The following DGKG variants were observed in gnomAD, a reference collection of about 807,000 sequenced individuals.
The protein encoded by DGKG is diacylglycerol kinase gamma.
DGKG carries 78 observed loss-of-function variants against 105.3 expected under a neutral mutation model. The ratio of observed to expected loss-of-function variants is 0.74; its 90% CI spans 0.62 to 0.89. The LOEUF (loss-of-function observed/expected upper bound fraction) is 0.89, where lower values mean the gene tolerates loss of function less well. Ranked by LOEUF, DGKG falls within the 40% of genes least tolerant of loss-of-function variation. The pLI, the probability that DGKG is intolerant of heterozygous loss-of-function variation, is 0.00. For missense variants in DGKG, 958 were observed against 1,020.1 expected (o/e 0.94, Z 0.83); for synonymous variants, 346 against 367.1 (o/e 0.94, Z 0.66).
intron 20 of DGKG, among the ~76,000 whole-genome samples, chr3:186,241,251 T>A (rs1352685713): frequency 1.3e-5 from 2 of 152,142 alleles, no homozygotes; most frequent in Non-Finnish European, 2.9e-5. Context: ...AATGAATGTC[T>A]TCAATGAACA....
In DGKG at chr3:186,149,358, T is replaced by C; in HGVS notation, c.*732A>G. The C allele has an allele frequency of 1.0e-6, 1 of 985,280 alleles. No homozygotes were observed. The highest frequency in any genetic ancestry group is 1.2e-6 in the Non-Finnish European group (1 of 829,912). 61.0% of individuals were successfully genotyped at this position (985,280 alleles called of 1,614,324 possible). On this transcript the variant is annotated 3_prime_UTR_variant, in exon 25 of 25. Coordinates refer to ENST00000265022, the MANE Select transcript of DGKG (RefSeq NM_001346.3). Reference sequence around the variant, plus strand: ...AAGAAAATAAATACCACATCTAAGGTGTGCTATGCAGGCAGCTCTGGGGGC... The same window carrying C: ...AAGAAAATAAATACCACATCTAAGGCGTGCTATGCAGGCAGCTCTGGGGGC...
At chr3:186,267,460 A>G (rs999173642) in intron 13 of DGKG, 2 of 501,522 alleles carry the variant, frequency 4.0e-6, no homozygotes, top group African/African-American at 3.9e-5. Flanking sequence ...CCCAGGTGAT[A>G]AGATAATCTG....
chr3:186,227,286 C>T (rs1719902623), intron 20 of DGKG, among the ~76,000 whole-genome samples: 1 of 152,208 alleles, frequency 6.6e-6, no homozygotes, highest in African/African-American at 2.4e-5. Context: ...ACCTGATAAA[C>T]TTCAAATCCA....
intron 19 of DGKG, among the ~76,000 whole-genome samples, chr3:186,245,110 A>G (rs1308513856): frequency 6.6e-6 from 1 of 151,394 alleles, no homozygotes; most frequent in Non-Finnish European, 1.5e-5. Context: ...CTGCTGATTG[A>G]CTCCCAGCTT....
Position 186,291,744 on chromosome 3 carries a change from G to A in DGKG, c.374-2864C>T, listed in dbSNP as rs547827431. Among the ~76,000 whole-genome samples the A allele has an allele frequency of 3.8e-4, 58 of 152,210 alleles. No homozygotes were observed. The South Asian group carries it at 0.01, about 27-fold the overall frequency. On this transcript the variant is annotated intron_variant, in intron 5 of 24. Transcript: ENST00000265022. ...AGTTGTATGGGGATGAAGGGTGGGC[G>A]GGTAAGGAGGGTGGAGAAAAGGGAT... is the stretch of plus-strand genomic sequence containing the variant.
At chr3:186,270,502 T>C (rs1019189164) in intron 11 of DGKG, among the ~76,000 whole-genome samples, 4 of 152,236 alleles carry the variant, frequency 2.6e-5, no homozygotes, top group African/African-American at 9.6e-5. Context: ...TTTGGCAAAA[T>C]TATTGCTTTG....
At chr3:186,259,702 C>T (rs1006100015) in intron 16 of DGKG, among the ~76,000 whole-genome samples, 6 of 151,880 alleles carry the variant, frequency 4.0e-5, no homozygotes, top group African/African-American at 9.7e-5. Flanking sequence ...GGCCCGGGGC[C>T]GGCCAGTAGA....
rs373781204 is a variant in DGKG, at chr3:186,288,736, G to T, written c.518C>A (p.Thr173Lys). ...CTCCAGCTTATCCTGAGGCCTCCCC[G>T]TCTCCAGCAGGGACAGGTAGCACAC... ...DVVCYLSLLE[T>K]GRPQDKLEFM... The change falls in exon 6 of 25, where the codon ACG becomes AAG. Residue 173 changes from threonine (T) to lysine (K), a missense_variant. By Grantham distance (78) the Thr-to-Lys change is moderately conservative. Coordinates refer to ENST00000265022, the MANE Select transcript of DGKG (RefSeq NM_001346.3). 1.2e-6 allele frequency: 2 copies of T among 1,614,128 alleles called. No individual in the cohort carries two copies. The highest frequency in any genetic ancestry group is 2.2e-5 in the South Asian group (2 of 91,076).
chr3:186,302,538 GTATA>G (rs769000961), intron 3 of DGKG, among the ~76,000 whole-genome samples: 428 of 35,128 alleles, frequency 0.012, 7 homozygotes, highest in Middle Eastern at 0.095. Flanking sequence ...ATATACATAT[GTATA>G]TATATATATA....
At chr3:186,158,823 C>G (rs1716154017) in intron 24 of DGKG, 1 of 897,546 alleles carries the variant, frequency 1.1e-6, no homozygotes, top group Non-Finnish European at 1.3e-6. Flanking sequence ...ATTTTATGAC[C>G]ACTATATCTC....
At chr3:186,305,980 T>C (rs1008254674) in intron 3 of DGKG, among the ~76,000 whole-genome samples, 4 of 152,096 alleles carry the variant, frequency 2.6e-5, no homozygotes, top group South Asian at 2.1e-4. Flanking sequence ...AAATGTCAAG[T>C]AGAAGGATAA....
intron 21 of DGKG, among the ~76,000 whole-genome samples, chr3:186,198,006 A>C (rs989792556): frequency 6.6e-6 from 1 of 152,148 alleles, no homozygotes; most frequent in Non-Finnish European, 1.5e-5. Flanking sequence ...CCCCTAGGAG[A>C]CTTTAAACTC....
Position 186,175,452 on chromosome 3 carries a change from G to C in DGKG, c.2096-10434C>G, listed in dbSNP as rs571800317. ...TCTCCAGGGCTCCGATGAAGGCGCT[G>C]TATGTTGTGGGAGGTGGACTTTGAA... On this transcript the variant is annotated intron_variant, in intron 22 of 24. Coordinates refer to ENST00000265022, the MANE Select transcript of DGKG (RefSeq NM_001346.3). 1.1e-3 allele frequency among the ~76,000 whole-genome samples: 164 copies of C among 152,320 alleles called. 1 individual carries two copies. Among genetic ancestry groups the C allele is most frequent in the African/African-American group, 3.7e-3 (155 of 41,558 alleles).
Position 186,333,206 on chromosome 3 carries a change from C to T in DGKG, c.-248-12499G>A, listed in dbSNP as rs111359740. Among the ~76,000 whole-genome samples, 82 of 152,286 alleles carry T rather than the reference C, an allele frequency of 5.4e-4. 1 individual carries two copies. Among genetic ancestry groups the T allele is most frequent in the African/African-American group, 1.9e-3 (78 of 41,550 alleles). On this transcript the variant is annotated intron_variant, in intron 1 of 24. Coordinates refer to ENST00000265022, the MANE Select transcript of DGKG (RefSeq NM_001346.3). ...GGTCCTCATCCCAGCAGCATCAGCACCACCGGGGGAACGTGTTAGGAAGGC... is the reference window on the plus strand; with the variant it reads ...GGTCCTCATCCCAGCAGCATCAGCATCACCGGGGGAACGTGTTAGGAAGGC...
chr3:186,224,694 A>T (rs1450077169), intron 20 of DGKG, among the ~76,000 whole-genome samples: 1 of 151,894 alleles, frequency 6.6e-6, no homozygotes, highest in African/African-American at 2.4e-5. Context: ...ATTATGTTTG[A>T]CTCAATTTTC....
chr3:186,156,806 A>G (rs4686737), intron 24 of DGKG, among the ~76,000 whole-genome samples: 58,715 of 151,768 alleles, frequency 0.39, 13,519 homozygotes, highest in East Asian at 0.75. Flanking sequence ...TTGCTGGTAT[A>G]CTATTAATAT....
At chr3:186,272,177 C>G (rs1036147900) in intron 11 of DGKG, 78 bp downstream of exon 11, 12 of 1,171,418 alleles carry the variant, frequency 1.0e-5, no homozygotes, top group Non-Finnish European at 1.5e-5. Context: ...AGTGCCCCTT[C>G]CTGCCCAGGA....
rs750733731 is a variant in DGKG, at chr3:186,226,743, A to G, written c.1827-14858T>C. 6.6e-6 allele frequency among the ~76,000 whole-genome samples: 1 copy of G among 152,224 alleles called. No homozygotes were observed. The highest frequency in any genetic ancestry group is 1.5e-5 in the Non-Finnish European group (1 of 68,036). On this transcript the variant is annotated intron_variant, in intron 20 of 24. Coordinates refer to ENST00000265022, the MANE Select transcript of DGKG (RefSeq NM_001346.3). This position sits in a 1 kb window ranked among gnomAD's most constrained non-coding sequence, Gnocchi z 4.2. ...ATGCTCTCCAAAAAGGCCCACTTTC[A>G]GGATTAAAGGGACACTCCATTTAAC...
At chr3:186,352,554 T>A (rs1430956472) in intron 1 of DGKG, among the ~76,000 whole-genome samples, 2 of 152,208 alleles carry the variant, frequency 1.3e-5, no homozygotes, top group African/African-American at 4.8e-5. Flanking sequence ...TGCCCTGAAC[T>A]GAACTTGTTA....
Sources: gnomAD v4.1 joint callset for allele counts (sites outside exome capture counted in the v4.1 genomes callset) on GRCh38, gnomAD v4.1.1 for gene constraint, Gnocchi (gnomAD v3.1) non-coding constraint, MANE v1.5 for transcripts, NCBI Gene and HGNC (gene_info 2026-07-23, HGNC 2026-07-21) for gene names.